CRY2: variants seen among roughly 807,000 people sequenced by gnomAD.
CRY2 encodes cryptochrome-2.
Under a neutral mutation model 69.5 loss-of-function variants are expected in CRY2, and 31 were observed. That is an observed-to-expected ratio of 0.45 (90% CI 0.34 to 0.60). The LOEUF is 0.60. Among genes scored for constraint, CRY2 ranks in the 20% least tolerant of loss-of-function variants. The pLI, the probability that CRY2 is intolerant of heterozygous loss-of-function variation, is 0.02. For missense variants in CRY2, 606 were observed against 797.8 expected, an observed-to-expected ratio of 0.76 and a Z score of 2.90; for synonymous variants, 303 against 312.2, an observed-to-expected ratio of 0.97 and a Z score of 0.31.
At chr11:45,866,890 G>A (rs1345467178) in intron 5 of CRY2, among the ~76,000 whole-genome samples, 1 of 152,138 alleles carries the variant, frequency 6.6e-6, no homozygotes, top group East Asian at 1.9e-4. Flanking sequence ...GGGAGGTGGA[G>A]GTTGCGGTGA....
At chr11:45,865,701 G>T (rs146915853) in intron 5 of CRY2, among the ~76,000 whole-genome samples, 1 of 151,806 alleles carries the variant, frequency 6.6e-6, no homozygotes, top group East Asian at 1.9e-4. Flanking sequence ...GGAGGGTACA[G>T]TGAGCCGAGA....
chr11:45,869,474 G>A (rs747814095), intron 6 of CRY2, 32 bp from the exon 7 acceptor site: 13 of 1,577,758 alleles, frequency 8.2e-6, no homozygotes, highest in African/African-American at 4.0e-5. Context: ...CTGGGCGAGT[G>A]TTTGTATCCA....
At chr11:45,868,579 A>C (rs2086350233) in intron 6 of CRY2, among the ~76,000 whole-genome samples, 1 of 152,068 alleles carries the variant, frequency 6.6e-6, no homozygotes. Flanking sequence ...TTGGCCTCCC[A>C]CAGTGCTGGG....
At chr11:45,871,389 G>A (rs996696133) in intron 10 of CRY2, among the ~76,000 whole-genome samples, 3 of 152,176 alleles carry the variant, frequency 2.0e-5, no homozygotes, top group African/African-American at 7.2e-5. Context: ...ACAAGATACA[G>A]CATGAGCAGC....
chr11:45,872,481 A>G (rs370331052), intron 11 of CRY2, among the ~76,000 whole-genome samples: 5 of 151,994 alleles, frequency 3.3e-5, no homozygotes, highest in Non-Finnish European at 7.4e-5. Flanking sequence ...TGGCTCATGT[A>G]TGTAATCCCA....
At chr11:45,855,608 C>A (rs1285288453) in intron 1 of CRY2, among the ~76,000 whole-genome samples, 1 of 152,226 alleles carries the variant, frequency 6.6e-6, no homozygotes, top group Non-Finnish European at 1.5e-5. Context: ...GAACAGCTCA[C>A]ATTTATCTCA....
Position 45,867,764 on chromosome 11 carries a change from A to G in CRY2, c.882+12A>G, listed in dbSNP as rs1312013908. On this transcript the variant is annotated intron_variant, in intron 6 of 11. Transcript: ENST00000616080. ...ACCTGTATAAAAAGGTAAGGGGGAC[A>G]TACCTGCCCACATTGCACCTAAGGC... The G allele has an allele frequency of 1.2e-6, 2 of 1,614,026 alleles. No individual in the cohort carries two copies. Among genetic ancestry groups the G allele is most frequent in the Admixed American group, 1.7e-5 (1 of 60,002 alleles).
At chr11:45,880,289 TC>T (rs2134655031) in intron 11 of CRY2, among the ~76,000 whole-genome samples, 1 of 152,330 alleles carries the variant, frequency 6.6e-6, no homozygotes, top group South Asian at 2.1e-4. Flanking sequence ...ACTCTGTCCT[TC>T]CTTTATTATC....
rs201220841 is a variant in CRY2, at chr11:45,867,648, G to A, written c.778G>A (p.Ala260Thr). 113 of 1,614,154 alleles carry A rather than the reference G, an allele frequency of 7.0e-5. No individual in the cohort carries two copies. The highest frequency in any genetic ancestry group is 1.6e-4 in the Middle Eastern group (1 of 6,062). ...CAACTATGAGAGACCCCGAATGAACGCCAACTCCCTCCTGGCCAGCCCCAC... is the reference window on the plus strand; with the variant it reads ...CAACTATGAGAGACCCCGAATGAACACCAACTCCCTCCTGGCCAGCCCCAC... ...VANYERPRMN[A>T]NSLLASPTGL... The change falls in exon 6 of 12, where the codon GCC (alanine) becomes ACC (threonine). Residue 260 changes from alanine to threonine, a missense_variant. Ala to Thr is a moderately conservative substitution (Grantham distance 58). Transcript: ENST00000616080.
chr11:45,882,663 T>G lies in CRY2; in HGVS notation c.*1752T>G, dbSNP rs911350836. ...CAGGGGATGGTGTGCATTCAGAGCA[T>G]TGGGTTGGGGGCTTCCCTGTTCCCT... On this transcript the variant is annotated 3_prime_UTR_variant, in exon 12 of 12. Coordinates refer to ENST00000616080, the MANE Select transcript of CRY2 (RefSeq NM_021117.5). 2 of 398,782 alleles carry G rather than the reference T, an allele frequency of 5.0e-6. No homozygotes were observed. Among genetic ancestry groups the G allele is most frequent in the East Asian group, 3.6e-5 (1 of 28,090 alleles). 24.7% of individuals were successfully genotyped at this position (398,782 alleles called of 1,614,324 possible).
chr11:45,847,449 T>C (rs754319957), upstream of CRY2: 11 of 1,594,824 alleles, frequency 6.9e-6, no homozygotes, highest in Non-Finnish European at 8.5e-6. Flanking sequence ...CCACGTCGCC[T>C]ACCGGGGCGG....
chr11:45,871,949 C>A, intron 10 of CRY2, 143 bp from the exon 11 acceptor site: 1 of 1,192,350 alleles, frequency 8.4e-7, no homozygotes, highest in Non-Finnish European at 1.2e-6. Flanking sequence ...AAAGCAAGGC[C>A]GAGGGGCAGG....
intron 2 of CRY2, among the ~76,000 whole-genome samples, chr11:45,856,852 G>A (rs1377988638): frequency 6.6e-6 from 1 of 151,958 alleles, no homozygotes; most frequent in Non-Finnish European, 1.5e-5. Context: ...TTCCCATGGG[G>A]TAAATGATTG....
intron 11 of CRY2, 67 bp downstream of exon 11, chr11:45,872,300 C>T (rs2134647388): frequency 1.4e-6 from 2 of 1,442,832 alleles, no homozygotes; most frequent in Admixed American, 1.7e-5. Flanking sequence ...TACTGCCCTG[C>T]CAGCTGCAGG....
Position 45,872,147 on chromosome 11 carries a change from C to A in CRY2, c.1698C>A (p.Ala566=). 6.2e-7 allele frequency: 1 copy of A among 1,614,116 alleles called. No individual in the cohort carries two copies. Among genetic ancestry groups the A allele is most frequent in the Non-Finnish European group, 8.5e-7 (1 of 1,180,018 alleles). Residue 566 remains alanine (A), a synonymous_variant, in exon 11 of 12, where the codon GCC becomes GCA. Coordinates refer to ENST00000616080, the MANE Select transcript of CRY2 (RefSeq NM_021117.5). ...PASPKRKLEA[A]EEPPGEELSK... is the part of the protein sequence containing the mutation. ...CCCCCAAACGCAAGCTGGAAGCAGC[C>A]GAGGAACCACCTGGTGAAGAACTCA...
intron 11 of CRY2, among the ~76,000 whole-genome samples, chr11:45,874,234 C>T (rs1002089218): frequency 4.6e-5 from 7 of 151,718 alleles, no homozygotes; most frequent in East Asian, 3.9e-4. Context: ...GAGCCGAGAT[C>T]GTGCCATTGC....
chr11:45,867,860 C>A lies in CRY2; in HGVS notation c.882+108C>A, dbSNP rs965300892. 14 of 1,453,078 alleles carry A rather than the reference C, an allele frequency of 9.6e-6. No homozygotes were observed. The East Asian group carries it at 3.0e-4, about 31-fold the overall frequency. 90.0% of individuals were successfully genotyped at this position (1,453,078 alleles called of 1,614,324 possible). On this transcript the variant is annotated intron_variant, in intron 6 of 11. Transcript: ENST00000616080. ...CTGGTGGGTGGGGGTTGGGCTATGG[C>A]CCCTGGAAGGGCCTAAGTGTGTGCA...
intron 1 of CRY2, among the ~76,000 whole-genome samples, chr11:45,854,842 T>TA (rs2086227098): frequency 6.6e-6 from 1 of 152,218 alleles, no homozygotes; most frequent in Admixed American, 6.5e-5. Context: ...TCCTCATCTA[T>TA]AAAATAAGGA....
At chr11:45,879,229 C>CAA (rs148530444) in intron 11 of CRY2, among the ~76,000 whole-genome samples, 1 of 138,300 alleles carries the variant, frequency 7.2e-6, no homozygotes, top group African/African-American at 2.7e-5. Flanking sequence ...AACTCTGTCT[C>CAA]AAAAAAAAAA....
Sources: allele counts gnomAD v4.1 joint callset (sites outside exome capture counted in the v4.1 genomes callset), GRCh38; gene constraint gnomAD v4.1.1; transcripts MANE v1.5; gene names NCBI Gene and HGNC (gene_info 2026-07-23, HGNC 2026-07-21).